Variants in ZNF133 observed in about 807,000 individuals in gnomAD.
The protein encoded by ZNF133 is zinc finger protein 133 (clone pHZ-13).
ZNF133 carries 26 observed loss-of-function variants against 54.9 expected under a neutral mutation model. The ratio of observed to expected loss-of-function variants is 0.47; its 90% CI spans 0.35 to 0.66. The LOEUF (loss-of-function observed/expected upper bound fraction) is 0.66, where lower values mean the gene tolerates loss of function less well. Ranked by LOEUF, ZNF133 falls within the 30% of genes least tolerant of loss-of-function variation. ZNF133 has a pLI of 0.01. For missense variants in ZNF133, 653 were observed against 820.8 expected (o/e 0.80, Z 2.50); for synonymous variants, 298 against 320.3 (o/e 0.93, Z 0.74).
In ZNF133 at chr20:18,305,879, T is replaced by G; in HGVS notation, c.121+72T>G. 6.5e-7 allele frequency: 1 copy of G among 1,545,222 alleles called. No homozygotes were observed. The highest frequency in any genetic ancestry group is 2.0e-5 in the Admixed American group (1 of 49,452). On this transcript the variant is annotated intron_variant, in intron 5 of 6. Coordinates refer to ENST00000425686, the MANE Select transcript of ZNF133 (RefSeq NM_001352452.2). The surrounding 1 kb of genome is among the most constrained non-coding windows in gnomAD (Gnocchi z 4.7). ...TTAGGCTATGCTTGAAGCAGCCATC[T>G]TGCTTTGTTACTTGACCTTTGGGTT...
intron 1 of ZNF133, among the ~76,000 whole-genome samples, chr20:18,296,802 T>C (rs1489218732): frequency 6.6e-6 from 1 of 152,230 alleles, no homozygotes; most frequent in African/African-American, 2.4e-5. Context: ...AATTGGTGAA[T>C]CACATAATAA....
At position 18,305,813 on chromosome 20, in the gene ZNF133, C is replaced by T. The variant is rs752445972; in HGVS notation, c.121+6C>T. The T allele has an allele frequency of 1.1e-5, 18 of 1,605,674 alleles. No homozygotes were observed. In the East Asian group the frequency reaches 3.8e-4, roughly 34 times the overall value. The stretch of plus-strand genomic sequence containing the variant: ...CAGCAACCTGGTCTCACTGGGTAAG[C>T]CTGATATCTGTTAGGATTCCCATTC... On this transcript the variant is annotated splice_donor_region_variant and intron_variant, in intron 5 of 6. Transcript: ENST00000425686. The surrounding 1 kb of genome is among the most constrained non-coding windows in gnomAD (Gnocchi z 4.7).
At chr20:18,302,552 CTA>C (rs1363744978) in intron 3 of ZNF133, among the ~76,000 whole-genome samples, 1 of 152,178 alleles carries the variant, frequency 6.6e-6, no homozygotes, top group East Asian at 1.9e-4. Context: ...GGAAACCACT[CTA>C]TAATAAGGCC....
At chr20:18,307,676 C>A (rs2044957662) in intron 6 of ZNF133, among the ~76,000 whole-genome samples, 1 of 152,102 alleles carries the variant, frequency 6.6e-6, no homozygotes, top group Admixed American at 6.5e-5. Flanking sequence ...GTTATAGATC[C>A]TTTCCATATT....
At chr20:18,297,367 T>C (rs1249396460) in intron 1 of ZNF133, among the ~76,000 whole-genome samples, 1 of 152,114 alleles carries the variant, frequency 6.6e-6, no homozygotes, top group African/African-American at 2.4e-5. Flanking sequence ...TTGAAATCTT[T>C]TTGTTTCTTT....
intron 6 of ZNF133, among the ~76,000 whole-genome samples, chr20:18,312,003 G>A (rs2046150842): frequency 7.7e-6 from 1 of 130,154 alleles, no homozygotes; most frequent in South Asian, 2.5e-4. Flanking sequence ...CAGATTTTGG[G>A]TTTGTTTGGT....
chr20:18,316,722 A>G lies in ZNF133; in HGVS notation c.1871A>G (p.His624Arg). 6.2e-7 allele frequency: 1 copy of G among 1,614,112 alleles called. No individual in the cohort carries two copies. Among genetic ancestry groups the G allele is most frequent in the South Asian group, 1.1e-5 (1 of 91,084 alleles). ...GFSLKSHLSR[H>R]RKTTSVHHRL... ...AGCCTCAAGTCTCACCTCAGCAGAC[A>G]CAGGAAGACCACGTCTGTCCACCAC... is the stretch of plus-strand genomic sequence containing the variant. The change falls in exon 7 of 7, where the codon CAC (histidine) becomes CGC (arginine). Residue 624 changes from histidine (H) to arginine (R), a missense_variant. By Grantham distance (29) the His-to-Arg change is conservative (BLOSUM62 0). Coordinates refer to ENST00000425686, the MANE Select transcript of ZNF133 (RefSeq NM_001352452.2).
In ZNF133 at chr20:18,306,388, G is replaced by A. The variant is rs552905711; in HGVS notation, c.212G>A (p.Cys71Tyr). The change falls in exon 6 of 7, where the codon TGT becomes TAT. Residue 71 changes from cysteine (C) to tyrosine (Y), a missense_variant. Physicochemically the swap from Cys to Tyr is radical, Grantham distance 194. Transcript: ENST00000425686. ...GAAAAAAAATGTTCACCGGCAACCT[G>A]TCCAGGTGAGTGGGAAAACACTGGA... ...REEKKCSPAT[C>Y]PADPEPELYL... 6.2e-6 allele frequency: 10 copies of A among 1,612,860 alleles called. No homozygotes were observed. In the Admixed American group the frequency reaches 1.3e-4, roughly 22 times the overall value.
intron 3 of ZNF133, among the ~76,000 whole-genome samples, chr20:18,304,043 C>T (rs931313473): frequency 2.0e-5 from 3 of 152,158 alleles, no homozygotes; most frequent in African/African-American, 7.2e-5. Flanking sequence ...ATATAAAGAA[C>T]TCCTACAGCT....
At chr20:18,301,343 T>A (rs1471811345) in intron 3 of ZNF133, among the ~76,000 whole-genome samples, 1 of 151,902 alleles carries the variant, frequency 6.6e-6, no homozygotes, top group African/African-American at 2.4e-5. Flanking sequence ...CAACCTAATT[T>A]TACAACTTAG....
intron 2 of ZNF133, 90 bp downstream of exon 2, chr20:18,298,152 T>C: frequency 6.5e-7 from 1 of 1,527,354 alleles, no homozygotes; most frequent in Non-Finnish European, 8.8e-7. Context: ...CCTAGTAGAG[T>C]TCAGCTCCAA....
intron 6 of ZNF133, chr20:18,314,816 A>G (rs1444613378): frequency 7.4e-6 from 3 of 404,306 alleles, no homozygotes; most frequent in South Asian, 8.3e-5. Context: ...TACTGGCCCT[A>G]TTTACACACC....
Position 18,305,258 on chromosome 20 carries a change from C to A in ZNF133, c.-7+80C>A. ...CATGATTCCAGGGCTTCACTACTCT[C>A]TGCTTGTGACCATCAGGCCCGAGAA... On this transcript the variant is annotated intron_variant, in intron 4 of 6. Coordinates refer to ENST00000425686, the MANE Select transcript of ZNF133 (RefSeq NM_001352452.2). This position sits in a 1 kb window ranked among gnomAD's most constrained non-coding sequence, Gnocchi z 4.7. The A allele has an allele frequency of 1.0e-6, 1 of 953,874 alleles. No individual in the cohort carries two copies. Among genetic ancestry groups the A allele is most frequent in the Non-Finnish European group, 1.3e-6 (1 of 797,126 alleles). 59.1% of individuals were successfully genotyped at this position (953,874 alleles called of 1,614,324 possible).
Position 18,316,080 on chromosome 20 carries a change from A to G in ZNF133, c.1229A>G (p.Tyr410Cys). 6.2e-7 allele frequency: 1 copy of G among 1,613,424 alleles called. No individual in the cohort carries two copies. Among genetic ancestry groups the G allele is most frequent in the African/African-American group, 1.3e-5 (1 of 74,920 alleles). The change falls in exon 7 of 7, where the codon TAT (tyrosine) becomes TGT (cysteine). Residue 410 changes from tyrosine (Y) to cysteine (C), a missense_variant. Physicochemically the swap from Tyr to Cys is radical, Grantham distance 194 (BLOSUM62 -2). Transcript: ENST00000425686. ...HQRTHSKEKP[Y>C]VCGVCGHSFS... ...AGGACACACTCAAAGGAGAAGCCCT[A>G]TGTGTGCGGGGTGTGTGGGCACAGC...
At position 18,316,497 on chromosome 20, in the gene ZNF133, C is replaced by A. The variant is rs1268354292; in HGVS notation, c.1646C>A (p.Pro549His). ...AAGCGGAAGCACTCGAGGGAGAAGCCCTACATGTGCAGGCAGTGTGGACTG... is the reference window on the plus strand; with the variant it reads ...AAGCGGAAGCACTCGAGGGAGAAGCACTACATGTGCAGGCAGTGTGGACTG... The part of the protein sequence containing the change: ...RHKRKHSREK[P>H]YMCRQCGLGF... Residue 549 changes from proline to histidine, a missense_variant, in exon 7 of 7, where the codon CCC becomes CAC. Transcript: ENST00000425686. 1 of 1,614,096 alleles carries A rather than the reference C, an allele frequency of 6.2e-7. No individual in the cohort carries two copies. Among genetic ancestry groups the A allele is most frequent in the Non-Finnish European group, 8.5e-7 (1 of 1,180,058 alleles).
At position 18,315,887 on chromosome 20, in the gene ZNF133, A is replaced by G; in HGVS notation, c.1036A>G (p.Arg346Gly). ...SQKSAVVRHQRTHLEEKTIVC... is the reference protein window; with the variant it reads ...SQKSAVVRHQGTHLEEKTIVC... The stretch of plus-strand genomic sequence containing the variant: ...GAAGTCAGCTGTCGTGAGACACCAG[A>G]GGACACACTTGGAGGAGAAGACCAT... The change falls in exon 7 of 7, where the codon AGG (arginine) becomes GGG (glycine). Residue 346 changes from arginine (R) to glycine (G), a missense_variant. Around this residue, in one of 4 missense-constraint regions of ZNF133, gnomAD observed 292 missense variants for 431.6 expected, o/e 0.68. Coordinates refer to ENST00000425686, the MANE Select transcript of ZNF133 (RefSeq NM_001352452.2). 1 of 1,613,952 alleles carries G rather than the reference A, an allele frequency of 6.2e-7. No homozygotes were observed. The highest frequency in any genetic ancestry group is 8.5e-7 in the Non-Finnish European group (1 of 1,179,962).
At chr20:18,314,754 T>C (rs372247252) in intron 6 of ZNF133, 6 of 257,176 alleles carry the variant, frequency 2.3e-5, no homozygotes, top group Admixed American at 5.0e-5. Context: ...GTGTGCATGG[T>C]TGTGAGTTAG....
intron 2 of ZNF133, 30 bp downstream of exon 2, chr20:18,298,092 G>A (rs552794975): frequency 5.3e-5 from 81 of 1,535,386 alleles, no homozygotes; most frequent in African/African-American, 3.4e-4. Context: ...ATTACTGGCT[G>A]TAACAGGATG....
chr20:18,315,607 C>T lies in ZNF133; in HGVS notation c.756C>T (p.Ser252=). 6.2e-7 allele frequency: 1 copy of T among 1,613,524 alleles called. No individual in the cohort carries two copies. The change falls in exon 7 of 7, where the codon AGC becomes AGT. Residue 252 remains serine, a synonymous_variant. Transcript: ENST00000425686. The stretch of plus-strand genomic sequence containing the variant: ...GTGGGGTATGTGAGAAGGGCTTCAG[C>T]CTAAAGAAGAGCCTCGCCAGACACC... The part of the protein sequence containing the change: ...YVCGVCEKGF[S]LKKSLARHQK...
Sources: gnomAD v4.1 joint callset for allele counts (sites outside exome capture counted in the v4.1 genomes callset) on GRCh38, gnomAD v4.1.1 for gene constraint, gnomAD v4.1.1 regional missense constraint, Gnocchi (gnomAD v3.1) non-coding constraint, MANE v1.5 for transcripts, NCBI Gene and HGNC (gene_info 2026-07-23, HGNC 2026-07-21) for gene names.